Variants in PDE10A observed in about 807,000 individuals in gnomAD.
PDE10A encodes cAMP and cAMP-inhibited cGMP 3',5'-cyclic phosphodiesterase 10A.
Under a neutral mutation model 97.7 loss-of-function variants are expected in PDE10A, and 39 were observed. That is an observed-to-expected ratio of 0.40 (90% CI 0.31 to 0.52). The LOEUF is 0.52. Among genes scored for constraint, PDE10A ranks in the 20% least tolerant of loss-of-function variants. The pLI, the probability that PDE10A is intolerant of heterozygous loss-of-function variation, is 0.56. For synonymous variants in PDE10A, 371 were observed against 376.8 expected (o/e 0.98, Z 0.18); for missense variants, 731 against 1,047.8 (o/e 0.70, Z 4.17).
At chr6:165,415,145 C>T (rs1302665663) in intron 12 of PDE10A, among the ~76,000 whole-genome samples, 3 of 152,242 alleles carry the variant, frequency 2.0e-5, no homozygotes, top group South Asian at 4.1e-4. Flanking sequence ...CTGACTCATA[C>T]ATTTTTACAT....
chr6:165,435,453 C>A (rs958123007), intron 5 of PDE10A, 76 bp from the exon 6 acceptor site: 1 of 1,239,760 alleles, frequency 8.1e-7, no homozygotes, highest in Non-Finnish European at 1.1e-6. Context: ...TGAATCCTAA[C>A]AGTCATAATA....
In PDE10A at chr6:165,449,753, T is replaced by C. The variant is rs559422642; in HGVS notation, c.1144+489A>G. On this transcript the variant is annotated intron_variant, in intron 4 of 21. Coordinates refer to ENST00000539869, the MANE Select transcript of PDE10A (RefSeq NM_001385079.1). ...TCAAATTAAAAAACAAAAGATACAA[T>C]TGTCATAGTGGGTATCCTTCTGAAA... Among the ~76,000 whole-genome samples, 26 of 152,310 alleles carry C rather than the reference T, an allele frequency of 1.7e-4. No homozygotes were observed. The Middle Eastern group carries it at 0.01, about 60-fold the overall frequency.
At chr6:165,894,179 A>ATCAGCTGTCATATTGAACTC (rs1245133713) in intron 1 of PDE10A, 1 of 384,994 alleles carries the variant, frequency 2.6e-6, no homozygotes, top group African/African-American at 2.1e-5. Context: ...TAGGAACTAC[A>ATCAGCTGTCATATTGAACTC]TTCCCAAAGA....
intron 18 of PDE10A, among the ~76,000 whole-genome samples, chr6:165,363,634 C>A (rs1415535977): frequency 6.6e-6 from 1 of 151,918 alleles, no homozygotes; most frequent in African/African-American, 2.4e-5. Context: ...CAAAGAGAAA[C>A]CTAAGCAATG....
chr6:165,894,372 A>G (rs996266322), intron 1 of PDE10A: 5 of 456,034 alleles, frequency 1.1e-5, no homozygotes, highest in African/African-American at 4.0e-5. Context: ...AGGCCTCGAC[A>G]GGCCAGAACA....
Position 165,543,532 on chromosome 6 carries a change from A to G in PDE10A, c.902T>C (p.Leu301Pro). The part of the protein sequence containing the change: ...TDEKVKAYLS[L>P]HPQVLDEFVS... ...AAATTCATCTAATACCTGGGGGTGA[A>G]GAGAAAGATATGCCTTCACTTTTTC... The change falls in exon 2 of 22, where the codon CTT becomes CCT. Residue 301 changes from leucine (L) to proline (P), a missense_variant. Leu to Pro is a moderately conservative substitution (Grantham distance 98). Coordinates refer to ENST00000539869, the MANE Select transcript of PDE10A (RefSeq NM_001385079.1). 6.2e-7 allele frequency: 1 copy of G among 1,611,402 alleles called. No individual in the cohort carries two copies. Among genetic ancestry groups the G allele is most frequent in the Non-Finnish European group, 8.5e-7 (1 of 1,178,324 alleles).
chr6:165,839,912 C>CAGCCCT (rs1780190836), intron 1 of PDE10A, among the ~76,000 whole-genome samples: 4 of 143,016 alleles, frequency 2.8e-5, no homozygotes, highest in Non-Finnish European at 4.7e-5. Context: ...TCTCCAACTC[C>CAGCCCT]ATCCCCAACC....
intron 3 of PDE10A, among the ~76,000 whole-genome samples, chr6:165,476,609 C>G (rs1273569367): frequency 1.3e-5 from 2 of 152,048 alleles, no homozygotes; most frequent in African/African-American, 4.8e-5. Context: ...ATACCCTGAA[C>G]TAAAAAGGAC....
At chr6:165,862,804 A>G (rs1381361622) in intron 1 of PDE10A, among the ~76,000 whole-genome samples, 2 of 151,146 alleles carry the variant, frequency 1.3e-5, no homozygotes, top group Admixed American at 1.3e-4. Flanking sequence ...TCAGCCTCCC[A>G]AGTAGCTGGG....
chr6:165,420,004 T>C (rs948959559), intron 10 of PDE10A, among the ~76,000 whole-genome samples: 3 of 152,202 alleles, frequency 2.0e-5, no homozygotes, highest in African/African-American at 7.2e-5. Context: ...ACCAAACAAA[T>C]ACTGGCTGTG....
Position 165,388,792 on chromosome 6 carries a change from G to A in PDE10A, c.2455-339C>T, listed in dbSNP as rs1248075624. 6.6e-6 allele frequency among the ~76,000 whole-genome samples: 1 copy of A among 152,138 alleles called. No homozygotes were observed. Among genetic ancestry groups the A allele is most frequent in the Non-Finnish European group, 1.5e-5 (1 of 68,030 alleles). ...AAAAAAGTACAGATAAAGCAAATCT[G>A]CACAAGGAAAGAAAGGTCAGTTTCA... On this transcript the variant is annotated intron_variant, in intron 16 of 21. Transcript: ENST00000539869. The surrounding 1 kb of genome is among the most constrained non-coding windows in gnomAD (Gnocchi z 4.0).
chr6:165,616,623 C>T (rs1787739731), intron 1 of PDE10A, among the ~76,000 whole-genome samples: 1 of 152,184 alleles, frequency 6.6e-6, no homozygotes, highest in Admixed American at 6.5e-5. Context: ...TAATATCCTA[C>T]AAGGAAATTA....
At position 165,661,254 on chromosome 6, in the gene PDE10A, C is replaced by T. The variant is rs1476261293; in HGVS notation, c.865+693G>A. ...TCTTCCACCCTAGCGACCTATTGTC[C>T]TTCCCTTTTCTCTACCACCCCGGAC... On this transcript the variant is annotated intron_variant, in intron 1 of 21. Coordinates refer to ENST00000539869, the MANE Select transcript of PDE10A (RefSeq NM_001385079.1). This position sits in a 1 kb window ranked among gnomAD's most constrained non-coding sequence, Gnocchi z 4.8. 6.6e-6 allele frequency: 1 copy of T among 152,444 alleles called. No individual in the cohort carries two copies. The highest frequency in any genetic ancestry group is 1.5e-5 in the Non-Finnish European group (1 of 68,274). The allele number at this position is 152,444 out of a possible 1,614,324, so 9.4% of individuals were successfully genotyped here. A position where few individuals can be genotyped will look rare whatever the true frequency, so the allele number is the denominator to read the frequency against.
At chr6:165,426,190 C>G (rs1789151359) in intron 10 of PDE10A, among the ~76,000 whole-genome samples, 1 of 152,098 alleles carries the variant, frequency 6.6e-6, no homozygotes, top group Non-Finnish European at 1.5e-5. Context: ...AGAAATTGAC[C>G]TGCTACTTCT....
At chr6:165,684,266 A>G (rs1458464671) in intron 1 of PDE10A, among the ~76,000 whole-genome samples, 1 of 152,206 alleles carries the variant, frequency 6.6e-6, no homozygotes, top group African/African-American at 2.4e-5. Flanking sequence ...GCTCACTGCT[A>G]TACCCCAGAA....
upstream of PDE10A, among the ~76,000 whole-genome samples, chr6:165,664,364 A>G (rs541973989): frequency 3.4e-4 from 52 of 151,988 alleles, no homozygotes; most frequent in South Asian, 2.7e-3. Flanking sequence ...ACTCCCCCCA[A>G]TGGAAAATAA....
intron 1 of PDE10A, among the ~76,000 whole-genome samples, chr6:165,833,860 C>T (rs1001180120): frequency 2.0e-5 from 3 of 152,184 alleles, no homozygotes; most frequent in Non-Finnish European, 4.4e-5. Flanking sequence ...GCTGAAGTCA[C>T]GTGGAGGAAA....
At chr6:165,797,412 A>G (rs910403898) in intron 1 of PDE10A, among the ~76,000 whole-genome samples, 2 of 152,140 alleles carry the variant, frequency 1.3e-5, no homozygotes, top group East Asian at 1.9e-4. Flanking sequence ...ACGAGTGTGG[A>G]TTTTTTCATA....
intron 1 of PDE10A, among the ~76,000 whole-genome samples, chr6:165,918,796 C>T (rs562146734): frequency 2.6e-5 from 4 of 152,128 alleles, no homozygotes; most frequent in Non-Finnish European, 5.9e-5. Flanking sequence ...CTCTTCCTCT[C>T]GGGGGTGTCA....
Sources: gnomAD v4.1 joint callset for allele counts (sites outside exome capture counted in the v4.1 genomes callset) on GRCh38, gnomAD v4.1.1 for gene constraint, Gnocchi (gnomAD v3.1) non-coding constraint, MANE v1.5 for transcripts, NCBI Gene and HGNC (gene_info 2026-07-23, HGNC 2026-07-21) for gene names.